The following GPM6B variants were observed in gnomAD, a reference collection of about 807,000 sequenced individuals.
The protein encoded by GPM6B is glycoprotein M6B.
Under a neutral mutation model 27.2 loss-of-function variants are expected in GPM6B, and 4 were observed. That is an observed-to-expected ratio of 0.15 (90% CI 0.07 to 0.34). The LOEUF is 0.34. Among genes scored for constraint, GPM6B ranks in the 10% least tolerant of loss-of-function variants. The pLI, the probability that GPM6B is intolerant of heterozygous loss-of-function variation, is 1.00. For synonymous variants in GPM6B, 124 were observed against 103.1 expected (o/e 1.20, Z -1.23); for missense variants, 183 against 261.9 (o/e 0.70, Z 2.08).
intron 1 of GPM6B, among the ~76,000 whole-genome samples, chrX:13,850,564 A>G (rs2049703484): frequency 1.8e-5 from 2 of 112,702 alleles, no homozygotes; most frequent in African/African-American, 3.2e-5. Flanking sequence ...TACTAATTCA[A>G]GCCTTAAATC....
At chrX:13,919,314 GCATTTCTA>G (rs1375060583) in intron 1 of GPM6B, among the ~76,000 whole-genome samples, 1 of 112,327 alleles carries the variant, frequency 8.9e-6, no homozygotes, top group Non-Finnish European at 1.9e-5. Flanking sequence ...ACCAAGGTAT[GCATTTCTA>G]CATTCTTAAT....
intron 1 of GPM6B, among the ~76,000 whole-genome samples, chrX:13,901,622 A>C (rs1307074638): frequency 3.6e-5 from 4 of 111,312 alleles, no homozygotes; most frequent in Non-Finnish European, 5.7e-5. Flanking sequence ...ACACGGCAAA[A>C]TCCAAAAATA....
At chrX:13,936,579 A>C (rs1921851389) in intron 1 of GPM6B, among the ~76,000 whole-genome samples, 1 of 112,574 alleles carries the variant, frequency 8.9e-6, no homozygotes, top group South Asian at 3.7e-4. Flanking sequence ...CTAAGAGTCT[A>C]CCAAAGGAAA....
intron 2 of GPM6B, among the ~76,000 whole-genome samples, chrX:13,804,843 A>AT (rs747093227): frequency 1.4e-3 from 149 of 109,636 alleles, no homozygotes; most frequent in African/African-American, 4.8e-3. Context: ...AGAATTCCCT[A>AT]TTTTTTGCCT....
intron 1 of GPM6B, among the ~76,000 whole-genome samples, chrX:13,938,067 A>G (rs1325034173): frequency 9.0e-6 from 1 of 111,406 alleles, no homozygotes; most frequent in Non-Finnish European, 1.9e-5. Context: ...AGGAGAACAG[A>G]AGCACGGCGG....
chrX:13,781,155 C>T (rs911240026), intron 4 of GPM6B: 2 of 187,999 alleles, frequency 1.1e-5, no homozygotes, highest in Non-Finnish European at 2.0e-5. Flanking sequence ...TGAGCCTTCC[C>T]TTCTGTCAGA....
At chrX:13,897,136 T>A (rs1436399564) in intron 1 of GPM6B, among the ~76,000 whole-genome samples, 1 of 112,398 alleles carries the variant, frequency 8.9e-6, no homozygotes, top group Admixed American at 9.4e-5. Context: ...GGGCTCAGTC[T>A]GTAAAGTCCC....
chrX:13,830,043 A>T, intron 1 of GPM6B, among the ~76,000 whole-genome samples: 1 of 110,501 alleles, frequency 9.0e-6, no homozygotes, highest in Non-Finnish European at 1.9e-5. Context: ...TTATCTTCGA[A>T]CCTGTGTTTT....
chrX:13,931,961 T>C (rs191685183), intron 1 of GPM6B, among the ~76,000 whole-genome samples: 181 of 112,345 alleles, frequency 1.6e-3, no homozygotes, highest in African/African-American at 5.3e-3. Flanking sequence ...CACAAGGTTT[T>C]ACCTTTATCA....
chrX:13,902,140 T>A (rs2050287892), intron 1 of GPM6B, among the ~76,000 whole-genome samples: 1 of 111,186 alleles, frequency 9.0e-6, no homozygotes, highest in African/African-American at 3.3e-5. Context: ...CATCTCTGAG[T>A]TTGAATCTTC....
intron 1 of GPM6B, among the ~76,000 whole-genome samples, chrX:13,884,027 A>G (rs2050110780): frequency 9.0e-6 from 1 of 110,607 alleles, no homozygotes; most frequent in Admixed American, 9.6e-5. Context: ...AAGTACAAAA[A>G]TTAGCCAGGC....
At chrX:13,900,328 G>A (rs980170096) in intron 1 of GPM6B, among the ~76,000 whole-genome samples, 1 of 111,708 alleles carries the variant, frequency 9.0e-6, no homozygotes, top group South Asian at 3.8e-4. Flanking sequence ...AACAATAAAT[G>A]TGTCACTTCG....
In GPM6B at chrX:13,839,851, C is replaced by T. The variant is rs190369792; in HGVS notation, c.-197-54043G>A. On this transcript the variant is annotated intron_variant, in intron 1 of 6. Transcript: ENST00000398361. ...GACAAGCTGATTCTAAAGTTCTTAT[C>T]GGAAAGGAAAAGAATCTAGGATAGC... Among the ~76,000 whole-genome samples the T allele has an allele frequency of 4.5e-5, 5 of 111,584 alleles. No homozygotes were observed. In the East Asian group the frequency reaches 1.1e-3, roughly 25 times the overall value.
intron 1 of GPM6B, among the ~76,000 whole-genome samples, chrX:13,920,303 A>C (rs1920956989): frequency 2.3e-5 from 2 of 86,850 alleles, no homozygotes; most frequent in Non-Finnish European, 5.1e-5. Context: ...GAAAGAAAGA[A>C]AAAAAAAGAA....
At chrX:13,904,725 C>T (rs764308680) in intron 1 of GPM6B, among the ~76,000 whole-genome samples, 6 of 110,321 alleles carry the variant, frequency 5.4e-5, no homozygotes, top group Non-Finnish European at 1.1e-4. Flanking sequence ...ACCTCTGGGA[C>T]CAGCTGGGGC....
At chrX:13,822,332 G>A (rs146220130), upstream of GPM6B, among the ~76,000 whole-genome samples, 688 of 109,737 alleles carry the variant, frequency 6.3e-3, 12 homozygotes, top group East Asian at 0.074. Context: ...AATAAATTGT[G>A]CTTAAAATAA....
At chrX:13,871,113 AC>A (rs1426867679) in intron 1 of GPM6B, among the ~76,000 whole-genome samples, 2 of 37,719 alleles carry the variant, frequency 5.3e-5, no homozygotes, top group Admixed American at 3.1e-4. Context: ...ACAAAACAAA[AC>A]AAAAAAAAAA....
intron 1 of GPM6B, among the ~76,000 whole-genome samples, chrX:13,893,399 A>G (rs1158833979): frequency 1.3e-5 from 1 of 78,738 alleles, no homozygotes; most frequent in Non-Finnish European, 2.2e-5. Context: ...TGTGGTGGTC[A>G]CACTGAATCT....
intron 1 of GPM6B, among the ~76,000 whole-genome samples, chrX:13,918,685 C>T (rs2050450200): frequency 8.9e-6 from 1 of 111,754 alleles, no homozygotes; most frequent in Non-Finnish European, 1.9e-5. Context: ...CTGGCATCTG[C>T]TTGGCTTCTG....
Sources: allele counts gnomAD v4.1 joint callset (sites outside exome capture counted in the v4.1 genomes callset), GRCh38; gene constraint gnomAD v4.1.1; transcripts MANE v1.5; gene names NCBI Gene and HGNC (gene_info 2026-07-23, HGNC 2026-07-21).